The following AHCYL2 variants were observed in gnomAD, a reference collection of about 807,000 sequenced individuals.
AHCYL2 encodes the protein adenosylhomocysteinase like 2.
A neutral mutation model predicts 81.4 loss-of-function variants in AHCYL2; 28 were observed. That is an observed-to-expected ratio of 0.34 (90% CI 0.25 to 0.47). The LOEUF (loss-of-function observed/expected upper bound fraction) is 0.47, where lower values mean the gene tolerates loss of function less well. Ranked by LOEUF, AHCYL2 falls within the 20% of genes least tolerant of loss-of-function variation. AHCYL2 has a pLI of 1.00. For missense variants in AHCYL2, 551 were observed against 785.1 expected, an observed-to-expected ratio of 0.70 and a Z score of 3.56; for synonymous variants, 272 against 290.2, an observed-to-expected ratio of 0.94 and a Z score of 0.64.
intron 1 of AHCYL2, among the ~76,000 whole-genome samples, chr7:129,330,772 T>G (rs1353190875): frequency 6.6e-6 from 1 of 152,204 alleles, no homozygotes; most frequent in Non-Finnish European, 1.5e-5. Flanking sequence ...CTGGTACATT[T>G]TTTAAAAAAG....
chr7:129,370,050 G>A (rs1229105882), intron 1 of AHCYL2, among the ~76,000 whole-genome samples: 1 of 152,150 alleles, frequency 6.6e-6, no homozygotes, highest in African/African-American at 2.4e-5. Flanking sequence ...GAAGGGCCAC[G>A]TTAAGGTATC....
At chr7:129,373,407 T>G (rs1794511318) in intron 1 of AHCYL2, among the ~76,000 whole-genome samples, 1 of 146,070 alleles carries the variant, frequency 6.8e-6, no homozygotes, top group Admixed American at 6.9e-5. Flanking sequence ...GTAGAAACCC[T>G]GTCTCTACTA....
intron 13 of AHCYL2, 23 bp downstream of exon 13, chr7:129,422,961 T>C: frequency 6.2e-7 from 1 of 1,607,740 alleles, no homozygotes. Flanking sequence ...CTGGCAAAAA[T>C]ACTCCCCCAC....
chr7:129,229,061 C>CTTT (rs59291148), intron 1 of AHCYL2, among the ~76,000 whole-genome samples: 37 of 144,810 alleles, frequency 2.6e-4, no homozygotes, highest in African/African-American at 9.1e-4. Flanking sequence ...AATAATTAGC[C>CTTT]TTTTTTTTTT....
chr7:129,388,875 G>A lies in AHCYL2; in HGVS notation c.476-181G>A. The A allele has an allele frequency of 5.2e-6, 3 of 580,340 alleles. No individual in the cohort carries two copies. In the South Asian group the frequency reaches 8.2e-5, roughly 16 times the overall value. 35.9% of individuals were successfully genotyped at this position (580,340 alleles called of 1,614,324 possible). On this transcript the variant is annotated intron_variant, in intron 2 of 16. Transcript: ENST00000325006. ...CAAGTTAAGGCTATCCAGGAAGAATGTCTTTGGCAATCTCTTTCAGCTTCC... is the reference window on the plus strand; with the variant it reads ...CAAGTTAAGGCTATCCAGGAAGAATATCTTTGGCAATCTCTTTCAGCTTCC...
chr7:129,403,070 G>A (rs1254337031), intron 6 of AHCYL2, among the ~76,000 whole-genome samples: 2 of 151,962 alleles, frequency 1.3e-5, no homozygotes, highest in Non-Finnish European at 2.9e-5. Context: ...GTAACTACAA[G>A]TTACCAATCC....
At chr7:129,328,611 A>C (rs2150799647) in intron 1 of AHCYL2, among the ~76,000 whole-genome samples, 1 of 152,190 alleles carries the variant, frequency 6.6e-6, no homozygotes, top group East Asian at 1.9e-4. Flanking sequence ...CAGCCTCCCA[A>C]GTAGCTGGGA....
intron 1 of AHCYL2, among the ~76,000 whole-genome samples, chr7:129,370,986 G>T (rs147774345): frequency 6.6e-6 from 1 of 152,204 alleles, no homozygotes; most frequent in African/African-American, 2.4e-5. Context: ...ACTTCATTAG[G>T]TTGCTACTGA....
chr7:129,389,700 T>G lies in AHCYL2; in HGVS notation c.686T>G (p.Ile229Ser). The G allele has an allele frequency of 2.5e-6, 4 of 1,613,896 alleles. No homozygotes were observed. Among genetic ancestry groups the G allele is most frequent in the Non-Finnish European group, 3.4e-6 (4 of 1,179,844 alleles). ...GAAAAGCCTTTGGCTGGAGCCAAAA[T>G]CGTGGGTTGCACACACATCACTGCT... is the stretch of plus-strand genomic sequence containing the variant. The part of the protein sequence containing the change: ...QGEKPLAGAK[I>S]VGCTHITAQT... The change falls in exon 4 of 17, where the codon ATC becomes AGC. Residue 229 changes from isoleucine (I) to serine (S), a missense_variant. Ile to Ser is a moderately radical substitution (Grantham distance 142). This residue lies in a region of AHCYL2 where 316 missense variants were observed against 543.1 expected (regional missense o/e 0.58). Transcript: ENST00000325006.
chr7:129,383,516 A>AC (rs1795061794), intron 2 of AHCYL2, among the ~76,000 whole-genome samples: 1 of 151,984 alleles, frequency 6.6e-6, no homozygotes. Flanking sequence ...TTCCAACCTT[A>AC]CCCATCTTCA....
At position 129,295,007 on chromosome 7, in the gene AHCYL2, A is replaced by ATGGAT. The variant is rs371560384; in HGVS notation, c.363+69572_363+69576dup. Among the ~76,000 whole-genome samples, 882 of 152,324 alleles carry ATGGAT rather than the reference A, an allele frequency of 5.8e-3. 5 individuals are homozygous for ATGGAT. Among genetic ancestry groups the ATGGAT allele is most frequent in the African/African-American group, 0.02 (833 of 41,568 alleles). On this transcript the variant is annotated intron_variant, in intron 1 of 16. Transcript: ENST00000325006. ...TGGTTCTCAGGAGTTGTGTGGCTTG[A>ATGGAT]TGGATTGGTACCATTCTTTTAACCA... is the stretch of plus-strand genomic sequence containing the variant.
chr7:129,230,975 AT>A (rs534438567), intron 1 of AHCYL2, among the ~76,000 whole-genome samples: 11 of 152,152 alleles, frequency 7.2e-5, no homozygotes, highest in Middle Eastern at 3.4e-3. Flanking sequence ...TTTTGTGAGC[AT>A]TTATTTTCTG....
chr7:129,280,518 C>T (rs979031615), intron 1 of AHCYL2, among the ~76,000 whole-genome samples: 2 of 151,998 alleles, frequency 1.3e-5, no homozygotes, highest in Non-Finnish European at 2.9e-5. Context: ...TTTGTAGATT[C>T]CATCAGATTT....
intron 1 of AHCYL2, among the ~76,000 whole-genome samples, chr7:129,274,811 TAGG>T (rs1408176656): frequency 6.6e-6 from 1 of 152,112 alleles, no homozygotes; most frequent in East Asian, 1.9e-4. Context: ...CTGTCAGCCT[TAGG>T]AGTGAGTGAA....
intron 1 of AHCYL2, among the ~76,000 whole-genome samples, chr7:129,264,299 C>T (rs1795743859): frequency 6.6e-6 from 1 of 152,196 alleles, no homozygotes; most frequent in African/African-American, 2.4e-5. Context: ...GGATTACAGG[C>T]GTGAGCCACT....
rs1235052250 is a variant in AHCYL2 at position 129,426,381 on chromosome 7, GACAATAGCC to G, written c.1709-60_1709-52del. The G allele has an allele frequency of 1.2e-6, 2 of 1,613,270 alleles. No individual in the cohort carries two copies. The highest frequency in any genetic ancestry group is 2.7e-5 in the African/African-American group (2 of 74,868). On this transcript the variant is annotated intron_variant, in intron 15 of 16. Transcript: ENST00000325006. This position sits in a 1 kb window ranked among gnomAD's most constrained non-coding sequence, Gnocchi z 4.3. ...TGAACTTTTTAAGGCCTAGCTTGGG[GACAATAGCC>G]ATCAGATAAAAGGCATGAATGCTTA...
At position 129,368,240 on chromosome 7, in the gene AHCYL2, A is replaced by G. The variant is rs1339928959; in HGVS notation, c.364-11398A>G. The G allele has an allele frequency of 1.5e-6, 2 of 1,375,038 alleles. No individual in the cohort carries two copies. Among genetic ancestry groups the G allele is most frequent in the East Asian group, 5.5e-5 (2 of 36,048 alleles). 85.2% of individuals were successfully genotyped at this position (1,375,038 alleles called of 1,614,324 possible). A position where few individuals can be genotyped will look rare whatever the true frequency, so the allele number is the denominator to read the frequency against. ...GAGAAGCACAGTGCCTGGGTGCAGCACTTTGCATCAGCTCTGATTTTGAAA... is the reference window on the plus strand; with the variant it reads ...GAGAAGCACAGTGCCTGGGTGCAGCGCTTTGCATCAGCTCTGATTTTGAAA... On this transcript the variant is annotated intron_variant, in intron 1 of 16. Transcript: ENST00000325006. This position sits in a 1 kb window ranked among gnomAD's most constrained non-coding sequence, Gnocchi z 4.4.
intron 1 of AHCYL2, among the ~76,000 whole-genome samples, chr7:129,371,634 C>T (rs572237913): frequency 8.7e-4 from 133 of 152,324 alleles, no homozygotes; most frequent in East Asian, 5.2e-3. Flanking sequence ...TGTTTTACTT[C>T]CCCTGAGAGA....
chr7:129,366,707 C>T (rs928582359), intron 1 of AHCYL2, among the ~76,000 whole-genome samples: 1 of 148,680 alleles, frequency 6.7e-6, no homozygotes, highest in Admixed American at 6.8e-5. Context: ...ACCTGGGAGG[C>T]AGAGGTTGCG....
Sources: gnomAD v4.1 joint callset for allele counts (sites outside exome capture counted in the v4.1 genomes callset) on GRCh38, gnomAD v4.1.1 for gene constraint, gnomAD v4.1.1 regional missense constraint, Gnocchi (gnomAD v3.1) non-coding constraint, MANE v1.5 for transcripts, NCBI Gene and HGNC (gene_info 2026-07-23, HGNC 2026-07-21) for gene names.